Variants in COL5A2 observed in about 807,000 individuals in gnomAD.
The protein encoded by COL5A2 is collagen type V alpha 2 chain, also known as collagen alpha-2(V) chain.
COL5A2 carries 23 observed loss-of-function variants against 208.2 expected under a neutral mutation model. The ratio of observed to expected loss-of-function variants is 0.11; its 90% CI spans 0.08 to 0.16. The LOEUF is 0.16. Among genes scored for constraint, COL5A2 ranks in the 10% least tolerant of loss-of-function variants. The pLI is 1.00. For synonymous variants in COL5A2, 625 were observed against 628.5 expected (o/e 0.99, Z 0.08); for missense variants, 1,590 against 1,956.4 (o/e 0.81, Z 3.53).
the COL5A2 span, among the ~76,000 whole-genome samples, chr2:189,305,104 CAA>C: frequency 1.3e-5 from 2 of 152,110 alleles, no homozygotes; most frequent in African/African-American, 4.8e-5. Context: ...GACTCCAAAA[CAA>C]AATTTAAAAG....
chr2:189,144,040 A>G (rs1326144132), intron 1 of COL5A2, among the ~76,000 whole-genome samples: 1 of 152,156 alleles, frequency 6.6e-6, no homozygotes, highest in African/African-American at 2.4e-5. Flanking sequence ...GGAGGAAAAA[A>G]AAGAAACAAC....
chr2:189,335,734 T>G, the COL5A2 span, among the ~76,000 whole-genome samples: 1 of 151,976 alleles, frequency 6.6e-6, no homozygotes, highest in Non-Finnish European at 1.5e-5. Flanking sequence ...TTAAGTAAAT[T>G]ACCAGCTGCC....
chr2:189,110,287 G>T lies in COL5A2; in HGVS notation c.260C>A (p.Thr87Lys), dbSNP rs778591411. Residue 87 changes from threonine (T) to lysine (K), a missense_variant, in exon 2 of 54, where the codon ACG (threonine) becomes AAG (lysine). Thr to Lys is a moderately conservative substitution (Grantham distance 78). Coordinates refer to ENST00000374866, the MANE Select transcript of COL5A2 (RefSeq NM_000393.5). ...QDVLDCADPV[T>K]PPGECCPVCS... ...GACAGGACAGCATTCCCCAGGGGGC[G>T]TTACAGGGTCGGCACAGTCCAGCAC... 6.2e-7 allele frequency: 1 copy of T among 1,614,046 alleles called. No individual in the cohort carries two copies. Among genetic ancestry groups the T allele is most frequent in the Non-Finnish European group, 8.5e-7 (1 of 1,179,994 alleles).
the COL5A2 span, among the ~76,000 whole-genome samples, chr2:189,294,866 A>T: frequency 6.6e-6 from 1 of 152,152 alleles, no homozygotes; most frequent in Non-Finnish European, 1.5e-5. Context: ...TGACACAGTC[A>T]TGGCTCACTG....
At chr2:189,119,125 A>ATT (rs1337281552) in intron 1 of COL5A2, among the ~76,000 whole-genome samples, 2 of 152,112 alleles carry the variant, frequency 1.3e-5, no homozygotes, top group Non-Finnish European at 2.9e-5. Context: ...ACTTGGTATG[A>ATT]GAAAAAGAGT....
chr2:189,179,959 G>C (rs1370743763), upstream of COL5A2: 3 of 496,664 alleles, frequency 6.0e-6, no homozygotes, highest in Admixed American at 3.6e-5. Flanking sequence ...TTTAAGCATA[G>C]ATGGGGCTTA....
At chr2:189,086,857 TG>T in intron 8 of COL5A2, 87 bp from the exon 9 acceptor site, 6 of 1,177,834 alleles carry the variant, frequency 5.1e-6, no homozygotes, top group Non-Finnish European at 7.4e-6. Flanking sequence ...CTCTAGAATC[TG>T]GAAAAGTGAA....
chr2:189,264,714 T>C, the COL5A2 span, among the ~76,000 whole-genome samples: 3 of 152,068 alleles, frequency 2.0e-5, no homozygotes, highest in African/African-American at 7.2e-5. Flanking sequence ...GCAATAAAAT[T>C]TAAATTTTAA....
At chr2:189,064,317 T>A (rs549847442) in intron 25 of COL5A2, among the ~76,000 whole-genome samples, 4 of 152,094 alleles carry the variant, frequency 2.6e-5, no homozygotes, top group Non-Finnish European at 5.9e-5. Context: ...TCATGCCAAG[T>A]GATAAAGCTA....
chr2:189,312,315 C>T, the COL5A2 span, among the ~76,000 whole-genome samples: 1 of 152,132 alleles, frequency 6.6e-6, no homozygotes, highest in South Asian at 2.1e-4. Context: ...CTGGATGTCT[C>T]CCATTCCTGC....
chr2:189,105,933 C>A (rs1429992619), intron 2 of COL5A2, among the ~76,000 whole-genome samples: 1 of 151,350 alleles, frequency 6.6e-6, no homozygotes, highest in Non-Finnish European at 1.5e-5. Context: ...TGCTACGATG[C>A]CATCTTTATT....
the COL5A2 span, among the ~76,000 whole-genome samples, chr2:189,390,462 A>G: frequency 6.6e-6 from 1 of 152,214 alleles, no homozygotes; most frequent in Non-Finnish European, 1.5e-5. Context: ...GAAAGTCCCC[A>G]AAAGAATGGC....
At chr2:189,417,632 C>G in the COL5A2 span, among the ~76,000 whole-genome samples, 1 of 151,752 alleles carries the variant, frequency 6.6e-6, no homozygotes. Flanking sequence ...ATAAAATGTT[C>G]TATTCACTAT....
chr2:189,363,091 A>T, the COL5A2 span, among the ~76,000 whole-genome samples: 1 of 152,134 alleles, frequency 6.6e-6, no homozygotes, highest in Non-Finnish European at 1.5e-5. Context: ...ATAAATATTC[A>T]AAATCTATAA....
At chr2:189,066,529 G>A (rs755309639) in intron 22 of COL5A2, 32 bp from the exon 23 acceptor site, 2 of 1,602,800 alleles carry the variant, frequency 1.2e-6, no homozygotes, top group Non-Finnish European at 1.7e-6. Flanking sequence ...TTACCAGAAA[G>A]ACCCATCCAA....
the COL5A2 span, among the ~76,000 whole-genome samples, chr2:189,437,483 G>A: frequency 2.0e-5 from 3 of 152,086 alleles, no homozygotes; most frequent in South Asian, 2.1e-4. Flanking sequence ...CTAAAATTTC[G>A]CTTTAGCCAC....
At chr2:189,189,277 C>A (rs147571244) in intron 1 of COL5A2, among the ~76,000 whole-genome samples, 1 of 152,154 alleles carries the variant, frequency 6.6e-6, no homozygotes, top group Non-Finnish European at 1.5e-5. Flanking sequence ...TGGGAGACGG[C>A]CAGCAGTGAT....
intron 16 of COL5A2, among the ~76,000 whole-genome samples, chr2:189,077,102 AG>A (rs1686422387): frequency 1.3e-5 from 2 of 152,082 alleles, no homozygotes; most frequent in South Asian, 4.1e-4. Context: ...TTAAAATCTC[AG>A]GTCCATCTAA....
intron 35 of COL5A2, 120 bp from the exon 36 acceptor site, chr2:189,054,332 AT>A (rs1221568750): frequency 5.3e-5 from 38 of 718,966 alleles, no homozygotes; most frequent in Admixed American, 4.1e-4. Context: ...GCCTTTGCAA[AT>A]CATTATCTAT....
Sources: gnomAD v4.1 joint callset for allele counts (sites outside exome capture counted in the v4.1 genomes callset) on GRCh38, gnomAD v4.1.1 for gene constraint, MANE v1.5 for transcripts, NCBI Gene and HGNC (gene_info 2026-07-23, HGNC 2026-07-21) for gene names.